SLC5A1: variants seen among roughly 807,000 people sequenced by gnomAD.
SLC5A1 encodes solute carrier family 5 member 1.
SLC5A1 carries 42 observed loss-of-function variants against 73.5 expected under a neutral mutation model. That is an observed-to-expected ratio of 0.57 (90% CI 0.45 to 0.74). The LOEUF (loss-of-function observed/expected upper bound fraction) is 0.74. Ranked by LOEUF, SLC5A1 falls within the 30% of genes least tolerant of loss-of-function variation. SLC5A1 has a pLI of 0.00. For missense variants in SLC5A1, 634 were observed against 855.4 expected (o/e 0.74, Z 3.23); for synonymous variants, 300 against 317.4 (o/e 0.95, Z 0.58).
Position 32,111,299 on chromosome 22 carries a change from C to CA in SLC5A1, c.*1087dup. 6.6e-6 allele frequency: 1 copy of CA among 152,254 alleles called. No individual in the cohort carries two copies. The highest frequency in any genetic ancestry group is 1.9e-4 in the East Asian group (1 of 5,174). 9.4% of individuals were successfully genotyped at this position (152,254 alleles called of 1,614,324 possible). On this transcript the variant is annotated 3_prime_UTR_variant, in exon 15 of 15. Transcript: ENST00000266088. Reference sequence around the variant, plus strand: ...TCCTTGGTTGCAGATGGTCATATCTCACTCTGTCTTCCGTGGCCTTCCTTT... The same window carrying CA: ...TCCTTGGTTGCAGATGGTCATATCTCAACTCTGTCTTCCGTGGCCTTCCTTT...
intron 11 of SLC5A1, among the ~76,000 whole-genome samples, chr22:32,092,339 C>A (rs1218115440): frequency 6.6e-6 from 1 of 152,156 alleles, no homozygotes; most frequent in Non-Finnish European, 1.5e-5. Context: ...ATTTCTTTAT[C>A]CACTTGTTGA....
intron 7 of SLC5A1, among the ~76,000 whole-genome samples, chr22:32,084,203 C>T (rs1444026562): frequency 2.0e-5 from 3 of 152,250 alleles, no homozygotes; most frequent in Non-Finnish European, 4.4e-5. Flanking sequence ...AGTACTTTTA[C>T]AAGTGATTGC....
Position 32,104,872 on chromosome 22 carries a change from T to G in SLC5A1, c.1752T>G (p.Pro584=), listed in dbSNP as rs149362007. The G allele has an allele frequency of 4.2e-5, 67 of 1,613,368 alleles. No homozygotes were observed. The African/African-American group carries it at 8.8e-4, about 21-fold the overall frequency. ...DAEEENIQEG[P]KETIEIETQV... ...AAGAGGAGAACATCCAAGAAGGCCC[T>G]AAGGAGACCATTGAAATAGGTGACT... Residue 584 remains proline, a synonymous_variant, in exon 14 of 15, where the codon CCT becomes CCG. Coordinates refer to ENST00000266088, the MANE Select transcript of SLC5A1 (RefSeq NM_000343.4).
At chr22:32,071,090 T>C (rs2093982185) in intron 5 of SLC5A1, among the ~76,000 whole-genome samples, 1 of 152,186 alleles carries the variant, frequency 6.6e-6, no homozygotes, top group African/African-American at 2.4e-5. Flanking sequence ...CTTGCCTAGA[T>C]CACTGGGTGT....
intron 2 of SLC5A1, among the ~76,000 whole-genome samples, chr22:32,063,699 A>T (rs1037902792): frequency 7.2e-5 from 11 of 152,062 alleles, no homozygotes; most frequent in Non-Finnish European, 8.8e-5. Flanking sequence ...AAAGGAGAGA[A>T]TAGAGATCCT....
chr22:32,057,343 C>T (rs2093953376), intron 2 of SLC5A1, among the ~76,000 whole-genome samples: 1 of 152,158 alleles, frequency 6.6e-6, no homozygotes, highest in African/African-American at 2.4e-5. Context: ...CACAGCTCAT[C>T]AAAGCCTAGA....
At chr22:32,062,995 T>C (rs1458420554) in intron 2 of SLC5A1, among the ~76,000 whole-genome samples, 2 of 152,204 alleles carry the variant, frequency 1.3e-5, no homozygotes, top group Non-Finnish European at 2.9e-5. Context: ...TCTTCCTGGC[T>C]TGTAGACGGC....
intron 5 of SLC5A1, among the ~76,000 whole-genome samples, chr22:32,078,375 C>T (rs2149490810): frequency 6.6e-6 from 1 of 152,254 alleles, no homozygotes; most frequent in South Asian, 2.1e-4. Context: ...TCAAGCAATT[C>T]TCCTGCCTCG....
chr22:32,111,747 G>C lies in SLC5A1; in HGVS notation c.*1534G>C, dbSNP rs1168606653. ...CTGGCACCTTGACTCTGGTACTATA[G>C]CATGTCAGCAAATACAAGCAAAGCC... On this transcript the variant is annotated 3_prime_UTR_variant, in exon 15 of 15. Coordinates refer to ENST00000266088, the MANE Select transcript of SLC5A1 (RefSeq NM_000343.4). 1 of 152,132 alleles carries C rather than the reference G, an allele frequency of 6.6e-6. No individual in the cohort carries two copies. The highest frequency in any genetic ancestry group is 1.5e-5 in the Non-Finnish European group (1 of 68,030). The allele number at this position is 152,132 out of a possible 1,614,324, so 9.4% of individuals were successfully genotyped here.
At chr22:32,082,451 A>G (rs1293722687) in intron 6 of SLC5A1, among the ~76,000 whole-genome samples, 1 of 152,192 alleles carries the variant, frequency 6.6e-6, no homozygotes, top group Non-Finnish European at 1.5e-5. Context: ...GGGTTTGGAA[A>G]GCCAGGCAGA....
At chr22:32,050,892 C>T (rs955174075) in intron 2 of SLC5A1, among the ~76,000 whole-genome samples, 9 of 152,186 alleles carry the variant, frequency 5.9e-5, no homozygotes, top group African/African-American at 1.7e-4. Context: ...CTGTACCTTA[C>T]GTAACTGTGG....
chr22:32,086,195 G>T, intron 9 of SLC5A1, 25 bp from the exon 10 acceptor site: 2 of 1,356,822 alleles, frequency 1.5e-6, no homozygotes, highest in Non-Finnish European at 2.1e-6. Context: ...TCTGCTTGCT[G>T]ACGTGGCTCT....
chr22:32,106,768 C>T (rs2094046838), intron 14 of SLC5A1, among the ~76,000 whole-genome samples: 1 of 152,170 alleles, frequency 6.6e-6, no homozygotes, highest in South Asian at 2.1e-4. Context: ...GAAACGTGCA[C>T]ACGTGGAGGA....
At chr22:32,056,522 A>G (rs183880816) in intron 2 of SLC5A1, among the ~76,000 whole-genome samples, 3 of 138,340 alleles carry the variant, frequency 2.2e-5, no homozygotes, top group Non-Finnish European at 4.5e-5. Context: ...TGAATATATT[A>G]TCTGTGAATC....
intron 2 of SLC5A1, among the ~76,000 whole-genome samples, chr22:32,056,013 C>A (rs1189547405): frequency 6.6e-6 from 1 of 152,036 alleles, no homozygotes. Flanking sequence ...CAGTAATCTG[C>A]GTATGTTTTT....
intron 3 of SLC5A1, 113 bp from the exon 4 acceptor site, chr22:32,067,854 C>T: frequency 9.1e-7 from 1 of 1,100,760 alleles, no homozygotes; most frequent in Non-Finnish European, 1.4e-6. Context: ...CTAACGGCTC[C>T]TTAGGGGAGA....
chr22:32,106,123 T>C (rs1008921101), intron 14 of SLC5A1, among the ~76,000 whole-genome samples: 1 of 152,214 alleles, frequency 6.6e-6, no homozygotes, highest in African/African-American at 2.4e-5. Flanking sequence ...TACTGAATTA[T>C]ATGGTAGCTG....
chr22:32,075,928 T>G (rs1057173327), intron 5 of SLC5A1, among the ~76,000 whole-genome samples: 1 of 152,182 alleles, frequency 6.6e-6, no homozygotes, highest in Non-Finnish European at 1.5e-5. Flanking sequence ...GCAGGGCTCA[T>G]GGACAAAAGA....
chr22:32,060,284 C>G (rs1721581095), intron 2 of SLC5A1, among the ~76,000 whole-genome samples: 1 of 152,010 alleles, frequency 6.6e-6, no homozygotes, highest in Non-Finnish European at 1.5e-5. Context: ...CTCTGCCTCC[C>G]AGGCTCAAGT....
Sources: gnomAD v4.1 joint callset for allele counts (sites outside exome capture counted in the v4.1 genomes callset) on GRCh38, gnomAD v4.1.1 for gene constraint, MANE v1.5 for transcripts, NCBI Gene and HGNC (gene_info 2026-07-23, HGNC 2026-07-21) for gene names.